Variants in TULP4 observed in about 807,000 individuals in gnomAD.
TULP4 encodes the protein TUB like protein 4, also known as tubby-related protein 4.
TULP4 carries 16 observed loss-of-function variants against 129.0 expected under a neutral mutation model. The observed-to-expected ratio is 0.12, with a 90% CI of 0.08 to 0.19. TULP4 has a LOEUF of 0.19. TULP4 is among the 10% of genes least tolerant of loss of function. TULP4 has a pLI of 1.00. For synonymous variants in TULP4, 998 were observed against 854.0 expected (o/e 1.17, Z -2.94); for missense variants, 1,842 against 2,059.1 (o/e 0.89, Z 2.04).
chr6:158,395,440 G>T (rs1777686663), intron 1 of TULP4, among the ~76,000 whole-genome samples: 1 of 152,000 alleles, frequency 6.6e-6, no homozygotes, highest in Non-Finnish European at 1.5e-5. Context: ...AATTAGCTGG[G>T]CATGGTGGTA....
In TULP4 at chr6:158,266,027, T is replaced by C. The variant is rs140356220; in HGVS notation, n.68+33724T>C. On this transcript the variant is annotated intron_variant and non_coding_transcript_variant, in intron 1 of 1. Coordinates refer to the TULP4 transcript ENST00000620026. The stretch of plus-strand genomic sequence containing the variant: ...TGTTTAAACATGAAAAGTAGTAAAA[T>C]AGTACATTTGTAAAAGGGGGAAAAT... Among the ~76,000 whole-genome samples, 294 of 152,322 alleles carry C rather than the reference T, an allele frequency of 1.9e-3. 1 individual carries two copies. The highest frequency in any genetic ancestry group is 6.4e-3 in the African/African-American group (267 of 41,574).
chr6:158,350,054 C>T (rs540536738), intron 1 of TULP4, among the ~76,000 whole-genome samples: 83 of 139,668 alleles, frequency 5.9e-4, no homozygotes, highest in Middle Eastern at 8.8e-3. Flanking sequence ...TCCTCCCAGA[C>T]GGGGCAGCCG....
chr6:158,281,606 T>C (rs1778754712), upstream of TULP4, among the ~76,000 whole-genome samples: 1 of 152,166 alleles, frequency 6.6e-6, no homozygotes, highest in South Asian at 2.1e-4. Context: ...AACCAATCCT[T>C]AGCTTGTTAG....
chr6:158,259,675 G>C (rs1396061386), intron 1 of TULP4, among the ~76,000 whole-genome samples: 2 of 152,184 alleles, frequency 1.3e-5, no homozygotes, highest in Non-Finnish European at 2.9e-5. Flanking sequence ...TGTCAGACAT[G>C]AGTTCTGCAA....
intron 3 of TULP4, among the ~76,000 whole-genome samples, chr6:158,435,757 C>T (rs1240027234): frequency 6.6e-6 from 1 of 152,136 alleles, no homozygotes; most frequent in Admixed American, 6.5e-5. Context: ...TAGACGTAGA[C>T]GTTGCTCAAG....
intron 1 of TULP4, among the ~76,000 whole-genome samples, chr6:158,334,124 T>C (rs564399637): frequency 3.3e-5 from 5 of 152,358 alleles, no homozygotes; most frequent in African/African-American, 1.2e-4. Flanking sequence ...TGTTCTCATG[T>C]ATTTTTCCTC....
At chr6:158,268,095 G>A (rs1202353517) in intron 1 of TULP4, among the ~76,000 whole-genome samples, 1 of 143,310 alleles carries the variant, frequency 7.0e-6, no homozygotes, top group East Asian at 2.0e-4. Flanking sequence ...GATTGCAGTG[G>A]TGCGATCCTG....
intron 5 of TULP4, among the ~76,000 whole-genome samples, chr6:158,457,708 CT>C (rs1285470229): frequency 2.6e-5 from 4 of 152,190 alleles, no homozygotes; most frequent in Admixed American, 2.6e-4. Flanking sequence ...GCTCCAACCC[CT>C]GAGCTTTGTT....
chr6:158,337,962 G>A (rs1780086189), intron 1 of TULP4, among the ~76,000 whole-genome samples: 1 of 151,936 alleles, frequency 6.6e-6, no homozygotes. Context: ...AGGTCAAGTG[G>A]GTAAAGTCAC....
chr6:158,427,860 CT>C (rs760091325), intron 2 of TULP4: 1 of 152,222 alleles, frequency 6.6e-6, no homozygotes, highest in Non-Finnish European at 1.5e-5. Flanking sequence ...TGGCTCATGC[CT>C]GTAATTCCAA....
intron 1 of TULP4, among the ~76,000 whole-genome samples, chr6:158,378,861 A>T (rs1372259614): frequency 1.3e-5 from 2 of 152,222 alleles, no homozygotes; most frequent in Non-Finnish European, 2.9e-5. Flanking sequence ...TTATCCACAT[A>T]GAAGTGAACT....
At chr6:158,344,359 T>G (rs112807022) in intron 1 of TULP4, among the ~76,000 whole-genome samples, 1,956 of 152,338 alleles carry the variant, frequency 0.013, 46 homozygotes, top group African/African-American at 0.045. Flanking sequence ...CAGCGGACTT[T>G]GTTTTACTGA....
At chr6:158,342,316 A>G (rs1020418490) in intron 1 of TULP4, among the ~76,000 whole-genome samples, 3 of 152,242 alleles carry the variant, frequency 2.0e-5, no homozygotes, top group Non-Finnish European at 4.4e-5. Flanking sequence ...TTTTGAAAGC[A>G]TGTTTAAGAA....
chr6:158,299,769 T>A (rs1170551823), intron 1 of TULP4, among the ~76,000 whole-genome samples: 1 of 151,932 alleles, frequency 6.6e-6, no homozygotes, highest in South Asian at 2.1e-4. Context: ...ATTGAATAAG[T>A]GGGGGAAAAA....
chr6:158,387,080 G>A (rs1223075626), intron 1 of TULP4, among the ~76,000 whole-genome samples: 1 of 152,186 alleles, frequency 6.6e-6, no homozygotes, highest in Non-Finnish European at 1.5e-5. Flanking sequence ...GAGTGGGTAA[G>A]TGTGTGGGCC....
intron 1 of TULP4, among the ~76,000 whole-genome samples, chr6:158,391,351 T>C (rs1777580284): frequency 1.3e-5 from 2 of 152,222 alleles, no homozygotes; most frequent in South Asian, 4.1e-4. Context: ...TTCTTGTCTT[T>C]TGTTTTAATA....
upstream of TULP4, among the ~76,000 whole-genome samples, chr6:158,307,477 A>G (rs1347411097): frequency 6.6e-6 from 1 of 152,068 alleles, no homozygotes; most frequent in Non-Finnish European, 1.5e-5. Context: ...TCTTCTTTGC[A>G]CTTTTTTTGT....
rs1780383381 is a variant in TULP4, at chr6:158,498,750, A to T, written c.1952A>T (p.Asp651Val). 3 of 1,614,036 alleles carry T rather than the reference A, an allele frequency of 1.9e-6. No homozygotes were observed. The highest frequency in any genetic ancestry group is 2.5e-6 in the Non-Finnish European group (3 of 1,180,032). Residue 651 changes from aspartate (D) to valine (V), a missense_variant, in exon 12 of 14, where the codon GAC becomes GTC. Around this residue, in one of 5 missense-constraint regions of TULP4, gnomAD observed 99 missense variants for 165.1 expected, o/e 0.60. Transcript: ENST00000367097. ...CCAGAAGTTCGGAAAATTTCCATGGACTATATTAATTTACCTGTCTTCAAC... is the reference window on the plus strand; with the variant it reads ...CCAGAAGTTCGGAAAATTTCCATGGTCTATATTAATTTACCTGTCTTCAAC... Reference protein sequence around the residue: ...YLPEVRKISMDYINLPVFNPN... With the variant: ...YLPEVRKISMVYINLPVFNPN...
At chr6:158,338,749 G>A (rs928741802) in intron 1 of TULP4, among the ~76,000 whole-genome samples, 19 of 152,338 alleles carry the variant, frequency 1.2e-4, no homozygotes, top group African/African-American at 4.6e-4. Flanking sequence ...ACCAGAGAGG[G>A]ACCAGGTGGG....
Sources: gnomAD v4.1 joint callset for allele counts (sites outside exome capture counted in the v4.1 genomes callset) on GRCh38, gnomAD v4.1.1 for gene constraint, gnomAD v4.1.1 regional missense constraint, MANE v1.5 for transcripts, NCBI Gene and HGNC (gene_info 2026-07-23, HGNC 2026-07-21) for gene names.